DEPDC5: variants seen among roughly 807,000 people sequenced by gnomAD.
The protein encoded by DEPDC5 is GATOR1 complex protein DEPDC5.
A neutral mutation model predicts 217.3 loss-of-function variants in DEPDC5; 73 were observed. The observed-to-expected ratio is 0.34, with a 90% CI of 0.28 to 0.41. DEPDC5 has a LOEUF of 0.41. Ranked by LOEUF, DEPDC5 falls within the 10% of genes least tolerant of loss-of-function variation. DEPDC5 has a pLI of 1.00. For missense variants in DEPDC5, 1,675 were observed against 2,070.1 expected, an observed-to-expected ratio of 0.81 and a Z score of 3.70; for synonymous variants, 733 against 756.7, an observed-to-expected ratio of 0.97 and a Z score of 0.51.
At chr22:31,787,041 A>G (rs1455520955) in intron 10 of DEPDC5, among the ~76,000 whole-genome samples, 1 of 151,722 alleles carries the variant, frequency 6.6e-6, no homozygotes, top group African/African-American at 2.4e-5. Context: ...CGGCCTCCCA[A>G]AGTGTTGGGA....
At chr22:31,891,257 A>G in intron 38 of DEPDC5, 2 of 537,188 alleles carry the variant, frequency 3.7e-6, no homozygotes, top group Non-Finnish European at 3.5e-6. Context: ...CTTTCTCTTT[A>G]ATTACCTCTT....
rs144527841 is a variant in DEPDC5 at position 31,849,232 on chromosome 22, G to A, written c.3155+2265G>A. 9.6e-3 allele frequency among the ~76,000 whole-genome samples: 1,465 copies of A among 152,122 alleles called. 20 individuals carry two copies. The highest frequency in any genetic ancestry group is 0.032 in the African/African-American group (1,340 of 41,462). On this transcript the variant is annotated intron_variant, in intron 31 of 42. Coordinates refer to ENST00000651528, the MANE Select transcript of DEPDC5 (RefSeq NM_001242896.3). The stretch of plus-strand genomic sequence containing the variant: ...ATTCCAAAGTCGCTTCCACATTTTC[G>A]GGTATCTTTACAGCAGTGCCTCACT...
intron 8 of DEPDC5, among the ~76,000 whole-genome samples, chr22:31,783,247 C>G (rs2084640696): frequency 6.6e-6 from 1 of 152,182 alleles, no homozygotes; most frequent in Non-Finnish European, 1.5e-5. Flanking sequence ...CCCAGGTCCC[C>G]TTCCACATGG....
chr22:31,829,491 C>T (rs2090427885), intron 24 of DEPDC5, among the ~76,000 whole-genome samples: 1 of 151,190 alleles, frequency 6.6e-6, no homozygotes, highest in Non-Finnish European at 1.5e-5. Flanking sequence ...AAGATCATGC[C>T]ATTGCACTCC....
In DEPDC5 at chr22:31,781,352, C is replaced by G. The variant is rs537988843; in HGVS notation, c.484-2555C>G. On this transcript the variant is annotated intron_variant, in intron 8 of 42. Coordinates refer to ENST00000651528, the MANE Select transcript of DEPDC5 (RefSeq NM_001242896.3). ...GTGTTATTCAGGGGTCCTTCCTGGG[C>G]TCCAGCAGTCCTTTTCAGTATCTGG... Among the ~76,000 whole-genome samples, 6 of 152,222 alleles carry G rather than the reference C, an allele frequency of 3.9e-5. No individual in the cohort carries two copies. In the South Asian group the frequency reaches 1.0e-3, roughly 26 times the overall value.
At position 31,768,857 on chromosome 22, in the gene DEPDC5, G is replaced by A; in HGVS notation, c.407G>A (p.Gly136Asp). 6.2e-7 allele frequency: 1 copy of A among 1,613,582 alleles called. No individual in the cohort carries two copies. Among genetic ancestry groups the A allele is most frequent in the Non-Finnish European group, 8.5e-7 (1 of 1,179,812 alleles). ...AYITQKVEFA[G>D]IRAQAGELWV... ...ATCACCCAGAAGGTGGAGTTTGCTG[G>A]CATCAGGTAGATATTACATCACTCT... is the stretch of plus-strand genomic sequence containing the variant. The change falls in exon 7 of 43, where the codon GGC (glycine) becomes GAC (aspartate). Residue 136 changes from glycine (G) to aspartate (D), a missense_variant. Coordinates refer to ENST00000651528, the MANE Select transcript of DEPDC5 (RefSeq NM_001242896.3).
rs1568962734 is a variant in DEPDC5, at chr22:31,806,150, T to C, written c.1246T>C (p.Cys416Arg). 1 of 1,614,078 alleles carries C rather than the reference T, an allele frequency of 6.2e-7. No individual in the cohort carries two copies. The part of the protein sequence containing the change: ...SFYTSKSQLF[C>R]NSFTPRIKLA... ...CTACACATCCAAAAGCCAGCTCTTT[T>C]GTAATAGTTTCACCCCACGAATAAA... The change falls in exon 18 of 43, where the codon TGT (cysteine) becomes CGT (arginine). Residue 416 changes from cysteine (C) to arginine (R), a missense_variant. By Grantham distance (180) the Cys-to-Arg change is radical. Coordinates refer to ENST00000651528, the MANE Select transcript of DEPDC5 (RefSeq NM_001242896.3).
At chr22:31,905,497 A>C (rs2093740468) in intron 41 of DEPDC5, among the ~76,000 whole-genome samples, 1 of 151,352 alleles carries the variant, frequency 6.6e-6, no homozygotes, top group Non-Finnish European at 1.5e-5. Context: ...AAAGATAAGG[A>C]CCTTCCCTGG....
chr22:31,793,277 T>C (rs1019046827), intron 12 of DEPDC5, among the ~76,000 whole-genome samples: 34 of 152,144 alleles, frequency 2.2e-4, no homozygotes, highest in African/African-American at 8.0e-4. Context: ...AGATGTTTTT[T>C]AGATTTTAGC....
At chr22:31,839,135 T>C (rs1348010988) in intron 27 of DEPDC5, among the ~76,000 whole-genome samples, 1 of 152,234 alleles carries the variant, frequency 6.6e-6, no homozygotes, top group East Asian at 1.9e-4. Flanking sequence ...GCTGAGTCAC[T>C]ACTGAGCTGT....
chr22:31,861,346 CT>C, intron 32 of DEPDC5, 21 bp from the exon 33 acceptor site: 1 of 1,551,178 alleles, frequency 6.4e-7, no homozygotes, highest in Non-Finnish European at 8.7e-7. Context: ...GCTGCTGCTG[CT>C]TCCTCCTCCT....
intron 41 of DEPDC5, among the ~76,000 whole-genome samples, chr22:31,902,860 G>GA (rs2093675290): frequency 6.6e-6 from 1 of 152,050 alleles, no homozygotes; most frequent in South Asian, 2.1e-4. Context: ...CACCAGGGGG[G>GA]ACCCTGCTAA....
chr22:31,842,011 C>G (rs1481180033), intron 27 of DEPDC5, among the ~76,000 whole-genome samples: 1 of 152,142 alleles, frequency 6.6e-6, no homozygotes, highest in African/African-American at 2.4e-5. Flanking sequence ...GATTATTTTC[C>G]TCTTTCCTGC....
chr22:31,879,836 A>T, intron 38 of DEPDC5, 84 bp downstream of exon 38: 1 of 1,326,044 alleles, frequency 7.5e-7, no homozygotes, highest in Non-Finnish European at 1.0e-6. Flanking sequence ...GAACGATGCC[A>T]CATGAACCAG....
intron 31 of DEPDC5, among the ~76,000 whole-genome samples, chr22:31,848,927 A>C (rs977963700): frequency 1.3e-5 from 2 of 152,176 alleles, no homozygotes; most frequent in African/African-American, 2.4e-5. Flanking sequence ...GGCAGGGGCA[A>C]AATGCCACCA....
intron 3 of DEPDC5, among the ~76,000 whole-genome samples, chr22:31,758,997 G>A (rs2082158722): frequency 6.6e-6 from 1 of 151,614 alleles, no homozygotes; most frequent in South Asian, 2.1e-4. Context: ...CTGCCTCCCA[G>A]CCCCAAGTGA....
chr22:31,895,143 CAAAAAAAAAAA>C (rs56247667), intron 39 of DEPDC5, among the ~76,000 whole-genome samples: 4 of 57,608 alleles, frequency 6.9e-5, no homozygotes, highest in Non-Finnish European at 1.1e-4. Flanking sequence ...GAATCCGTCT[CAAAAAAAAAAA>C]AAAAAAAAAG....
chr22:31,759,082 G>A (rs1413607877), intron 3 of DEPDC5, among the ~76,000 whole-genome samples: 2 of 151,878 alleles, frequency 1.3e-5, no homozygotes, highest in Admixed American at 6.6e-5. Flanking sequence ...ACAGGCATGC[G>A]CCATCACGCC....
At chr22:31,804,731 C>A in intron 16 of DEPDC5, 111 bp from the exon 17 acceptor site, 1 of 1,033,882 alleles carries the variant, frequency 9.7e-7, no homozygotes, top group Non-Finnish European at 1.4e-6. Flanking sequence ...TGACCCACAG[C>A]GCCCAGCCCT....
Sources: gnomAD v4.1 joint callset for allele counts (sites outside exome capture counted in the v4.1 genomes callset) on GRCh38, gnomAD v4.1.1 for gene constraint, MANE v1.5 for transcripts, NCBI Gene and HGNC (gene_info 2026-07-23, HGNC 2026-07-21) for gene names.